The following TRUB2 variants were observed in gnomAD, a reference collection of about 807,000 sequenced individuals.
The protein encoded by TRUB2 is pseudouridylate synthase TRUB2, mitochondrial.
Under a neutral mutation model 31.9 loss-of-function variants are expected in TRUB2, and 31 were observed. The observed-to-expected ratio is 0.97, with a 90% CI of 0.73 to 1.31. TRUB2 has a LOEUF of 1.31. Among genes scored for constraint, TRUB2 ranks in the 50% most tolerant of loss-of-function variants. TRUB2 has a pLI of 0.00. For missense variants in TRUB2, 451 were observed against 439.6 expected (o/e 1.03, Z -0.23); for synonymous variants, 201 against 182.6 (o/e 1.10, Z -0.81).
chr9:128,309,611 C>T lies in TRUB2; in HGVS notation c.935G>A (p.Trp312Ter), dbSNP rs1279725785. The T allele has an allele frequency of 6.2e-7, 1 of 1,614,096 alleles. No individual in the cohort carries two copies. The highest frequency in any genetic ancestry group is 2.2e-5 in the East Asian group (1 of 44,884). ...GCTCGGGCCCTGGGAGTCCCAGGAC[C>T]ATCCCGGACTGGGGAGCTGCTTGGT... Reference protein sequence around the residue: ...LDTKQLPSPGWSWDSQGPSST... With the variant: ...LDTKQLPSPG The change falls in exon 8 of 8, where the codon TGG becomes TAG. Residue 312 changes from tryptophan (W) to a stop codon, truncating the protein, a stop_gained. Transcript: ENST00000372890. LOFTEE classifies it high-confidence loss of function.
chr9:128,318,485 C>T (rs1363070798), intron 2 of TRUB2, among the ~76,000 whole-genome samples: 1 of 152,076 alleles, frequency 6.6e-6, no homozygotes, highest in Non-Finnish European at 1.5e-5. Flanking sequence ...ACAAGTCAAA[C>T]CTGAAGACTG....
chr9:128,320,393 C>T (rs1045415360), intron 2 of TRUB2, among the ~76,000 whole-genome samples: 1 of 151,510 alleles, frequency 6.6e-6, no homozygotes, highest in African/African-American at 2.4e-5. Flanking sequence ...AGTGCAATGG[C>T]ACAACCTAAG....
At chr9:128,319,625 T>G (rs995638999) in intron 2 of TRUB2, among the ~76,000 whole-genome samples, 1 of 151,814 alleles carries the variant, frequency 6.6e-6, no homozygotes, top group African/African-American at 2.4e-5. Context: ...AACCTAGGCA[T>G]GTCGTCCCAT....
At position 128,317,234 on chromosome 9, in the gene TRUB2, G is replaced by C. The variant is rs777758680; in HGVS notation, c.242-8C>G. 1 of 1,589,362 alleles carries C rather than the reference G, an allele frequency of 6.3e-7. No individual in the cohort carries two copies. Among genetic ancestry groups the C allele is most frequent in the Non-Finnish European group, 8.6e-7 (1 of 1,165,926 alleles). ...CGAATGCTGGTCCACATACTGGAAA[G>C]AAACAAACAAGGTCCATTTTCTCAA... On this transcript the variant is annotated splice_region_variant and splice_polypyrimidine_tract_variant and intron_variant, in intron 2 of 7. Coordinates refer to ENST00000372890, the MANE Select transcript of TRUB2 (RefSeq NM_015679.3).
At chr9:128,316,788 G>A (rs370377617) in intron 3 of TRUB2, 25 of 198,114 alleles carry the variant, frequency 1.3e-4, no homozygotes, top group African/African-American at 4.7e-4. Context: ...TTCCTTCTCC[G>A]GACCAGGGGT....
rs1364083504 is a variant in TRUB2, at chr9:128,322,227, G to A, written c.109+73C>T. The A allele has an allele frequency of 8.3e-6, 11 of 1,332,798 alleles. No homozygotes were observed. The East Asian group carries it at 2.1e-4, about 25-fold the overall frequency. 82.6% of individuals were successfully genotyped at this position (1,332,798 alleles called of 1,614,324 possible). A position where few individuals can be genotyped will look rare whatever the true frequency, so the allele number is the denominator to read the frequency against. On this transcript the variant is annotated intron_variant, in intron 1 of 7. Transcript: ENST00000372890. ...ATAGGTCACGTGATTTTGTTTTGGG[G>A]TAAGGACCAGAAGCGGAGATGGACT... is the stretch of plus-strand genomic sequence containing the variant.
intron 1 of TRUB2, 65 bp downstream of exon 1, chr9:128,322,235 C>T: frequency 2.1e-6 from 3 of 1,415,602 alleles, no homozygotes; most frequent in East Asian, 2.3e-5. Flanking sequence ...GGGTAAGGAC[C>T]AGAAGCGGAG....
chr9:128,321,232 G>A (rs1202972312), intron 2 of TRUB2, among the ~76,000 whole-genome samples: 1 of 152,188 alleles, frequency 6.6e-6, no homozygotes, highest in East Asian at 1.9e-4. Flanking sequence ...CTGGATCATG[G>A]GATGTGGAAC....
chr9:128,321,388 T>C (rs1832171522), intron 2 of TRUB2, among the ~76,000 whole-genome samples: 1 of 152,290 alleles, frequency 6.6e-6, no homozygotes, highest in African/African-American at 2.4e-5. Context: ...ATTGGCAGAG[T>C]TGAGCAGTTC....
At chr9:128,319,256 G>A (rs1470789795) in intron 2 of TRUB2, among the ~76,000 whole-genome samples, 1 of 151,460 alleles carries the variant, frequency 6.6e-6, no homozygotes, top group Non-Finnish European at 1.5e-5. Context: ...AACCCAGGAG[G>A]AGAAGCTTGC....
At chr9:128,310,838 C>G in intron 7 of TRUB2, 49 bp downstream of exon 7, 1 of 1,609,654 alleles carries the variant, frequency 6.2e-7, no homozygotes, top group South Asian at 1.1e-5. Flanking sequence ...GAGTGACTCC[C>G]AAACCTACGG....
rs1172480408 is a variant in TRUB2, at chr9:128,311,553, C to A, written c.509G>T (p.Gly170Val). The change falls in exon 6 of 8, where the codon GGC becomes GTC. Residue 170 changes from glycine (G) to valine (V), a missense_variant. Gly to Val is a moderately radical substitution (Grantham distance 109). Coordinates refer to ENST00000372890, the MANE Select transcript of TRUB2 (RefSeq NM_015679.3). Reference protein sequence around the residue: ...KLDRILAVIQGSHQKALVMYS... With the variant: ...KLDRILAVIQVSHQKALVMYS... ...CATCACCAGGGCCTTCTGATGGGAG[C>A]CTTGGATAACGGCCAGAATGCGGTC... 1 of 1,614,122 alleles carries A rather than the reference C, an allele frequency of 6.2e-7. No homozygotes were observed. The highest frequency in any genetic ancestry group is 1.3e-5 in the African/African-American group (1 of 75,042).
rs772653886 is a variant in TRUB2, at chr9:128,309,559, C to G, written c.987G>C (p.Ala329=). ...GGAGCTGCCTGGGCATTCACTGCCC[C>G]GCACCCCTCTCCAGCCCCAAGGTAG... ...PSSTLGLERG[A]GQ Residue 329 remains alanine (A), a synonymous_variant, in exon 8 of 8, where the codon GCG becomes GCC. Coordinates refer to ENST00000372890, the MANE Select transcript of TRUB2 (RefSeq NM_015679.3). 3 of 1,610,050 alleles carry G rather than the reference C, an allele frequency of 1.9e-6. No homozygotes were observed. The African/African-American group carries it at 4.0e-5, about 21-fold the overall frequency.
At chr9:128,320,728 T>C (rs1258475315) in intron 2 of TRUB2, among the ~76,000 whole-genome samples, 1 of 152,172 alleles carries the variant, frequency 6.6e-6, no homozygotes, top group Non-Finnish European at 1.5e-5. Context: ...CTTCCCAAAG[T>C]GCTGGGATTA....
At chr9:128,316,408 T>C (rs1459906695) in intron 3 of TRUB2, 1 of 150,352 alleles carries the variant, frequency 6.7e-6, no homozygotes, top group African/African-American at 2.5e-5. Context: ...AAAAAAAAAA[T>C]ACTGATTCCT....
chr9:128,318,797 G>A (rs974096566), intron 2 of TRUB2, among the ~76,000 whole-genome samples: 1 of 151,816 alleles, frequency 6.6e-6, no homozygotes, highest in Non-Finnish European at 1.5e-5. Context: ...GCCTCCCAAA[G>A]TGCTGGGATT....
At chr9:128,319,768 T>G (rs978665703) in intron 2 of TRUB2, among the ~76,000 whole-genome samples, 1 of 149,302 alleles carries the variant, frequency 6.7e-6, no homozygotes, top group Non-Finnish European at 1.5e-5. Flanking sequence ...GCCTCCTGAG[T>G]AGCTGGGATT....
At position 128,315,680 on chromosome 9, in the gene TRUB2, T is replaced by C. The variant is rs539429815; in HGVS notation, c.317-52A>G. On this transcript the variant is annotated intron_variant, in intron 3 of 7. Coordinates refer to ENST00000372890, the MANE Select transcript of TRUB2 (RefSeq NM_015679.3). ...ACCTGGGACCCCCTTCCCATTCCCC[T>C]AAGTATCCCCACCCCTACCCCCACC... 29 of 1,578,906 alleles carry C rather than the reference T, an allele frequency of 1.8e-5. No individual in the cohort carries two copies. In the Admixed American group the frequency reaches 5.2e-4, roughly 28 times the overall value.
chr9:128,312,496 T>G (rs1831988949), intron 5 of TRUB2, among the ~76,000 whole-genome samples: 1 of 151,706 alleles, frequency 6.6e-6, no homozygotes, highest in Non-Finnish European at 1.5e-5. Context: ...AGTGGTGAGA[T>G]CTCAGCAAAC....
Sources: allele counts gnomAD v4.1 joint callset (sites outside exome capture counted in the v4.1 genomes callset), GRCh38; gene constraint gnomAD v4.1.1; transcripts MANE v1.5; gene names NCBI Gene and HGNC (gene_info 2026-07-23, HGNC 2026-07-21).